The following FNTB variants were observed in gnomAD, a reference collection of about 807,000 sequenced individuals.
FNTB encodes the protein protein farnesyltransferase subunit beta.
Under a neutral mutation model 59.4 loss-of-function variants are expected in FNTB, and 27 were observed. The observed-to-expected ratio is 0.45, with a 90% CI of 0.34 to 0.63. The LOEUF is 0.63. FNTB is among the 20% of genes least tolerant of loss of function. The probability of loss-of-function intolerance (pLI) is 0.02; values close to 1 mark genes in which losing one functional copy is unlikely to be tolerated. For missense variants in FNTB, 449 were observed against 559.6 expected (o/e 0.80, Z 1.99); for synonymous variants, 230 against 220.7 (o/e 1.04, Z -0.37).
chr14:65,024,924 T>G (rs2061952782), intron 4 of FNTB, among the ~76,000 whole-genome samples: 1 of 152,148 alleles, frequency 6.6e-6, no homozygotes, highest in Non-Finnish European at 1.5e-5. Context: ...TGGCTCCTTT[T>G]TTTTGTTTGT....
chr14:65,032,658 T>C lies in FNTB; in HGVS notation c.654T>C (p.Thr218=). ...ASVASLTNII[T]PDLFEGTAEW... Reference sequence around the variant, plus strand: ...TAGCCTCGCTGACCAACATCATCACTCCAGACCTCTTTGAGGGCACTGCTG... The same window carrying C: ...TAGCCTCGCTGACCAACATCATCACCCCAGACCTCTTTGAGGGCACTGCTG... Residue 218 remains threonine, a synonymous_variant, in exon 7 of 12, where the codon ACT becomes ACC. Transcript: ENST00000246166. The surrounding 1 kb of genome is among the most constrained non-coding windows in gnomAD (Gnocchi z 5.0). The C allele has an allele frequency of 6.2e-7, 1 of 1,613,926 alleles. No homozygotes were observed.
chr14:65,016,324 C>T (rs1352949306), intron 4 of FNTB, among the ~76,000 whole-genome samples: 1 of 152,204 alleles, frequency 6.6e-6, no homozygotes, highest in African/African-American at 2.4e-5. Flanking sequence ...TTCCCAGACA[C>T]TCATCACCAT....
chr14:65,015,434 T>TTTA (rs2061753837), intron 3 of FNTB, 191 bp from the exon 4 acceptor site: 1 of 269,106 alleles, frequency 3.7e-6, no homozygotes. Context: ...TTTTTTTTTT[T>TTTA]AACAGATGGT....
intron 11 of FNTB, among the ~76,000 whole-genome samples, chr14:65,055,044 T>C (rs1210491818): frequency 2.0e-5 from 3 of 152,262 alleles, no homozygotes; most frequent in East Asian, 1.9e-4. Flanking sequence ...ACTGCAGCCA[T>C]GCGGCACTGG....
In FNTB at chr14:65,032,669, T is replaced by C. The variant is rs755355580; in HGVS notation, c.665T>C (p.Phe222Ser). 1 of 1,613,740 alleles carries C rather than the reference T, an allele frequency of 6.2e-7. No individual in the cohort carries two copies. The highest frequency in any genetic ancestry group is 1.3e-5 in the African/African-American group (1 of 74,896). ...ACCAACATCATCACTCCAGACCTCTTTGAGGGCACTGCTGAATGGATAGCA... is the reference window on the plus strand; with the variant it reads ...ACCAACATCATCACTCCAGACCTCTCTGAGGGCACTGCTGAATGGATAGCA... The part of the protein sequence containing the change: ...SLTNIITPDL[F>S]EGTAEWIARC... Residue 222 changes from phenylalanine to serine, a missense_variant, in exon 7 of 12, where the codon TTT (phenylalanine) becomes TCT (serine). Phe to Ser is a radical substitution (Grantham distance 155, BLOSUM62 -2). Transcript: ENST00000246166. The surrounding 1 kb of genome is among the most constrained non-coding windows in gnomAD (Gnocchi z 5.0).
intron 9 of FNTB, among the ~76,000 whole-genome samples, chr14:65,050,939 G>A (rs1335870003): frequency 2.6e-5 from 4 of 152,190 alleles, no homozygotes; most frequent in Admixed American, 2.6e-4. Context: ...AACAACCTTG[G>A]AAATAAGTAA....
intron 4 of FNTB, among the ~76,000 whole-genome samples, chr14:65,017,052 A>G (rs375569485): frequency 1.6e-4 from 25 of 151,586 alleles, no homozygotes; most frequent in African/African-American, 6.1e-4. Context: ...CCTCCTGAGT[A>G]GCTGGGATTA....
chr14:65,004,019 A>G (rs1260955624), intron 1 of FNTB, among the ~76,000 whole-genome samples: 1 of 152,220 alleles, frequency 6.6e-6, no homozygotes, highest in Non-Finnish European at 1.5e-5. Flanking sequence ...TTTGGATATT[A>G]TGGATTTGGT....
At chr14:65,006,274 A>G (rs1299805897) in intron 2 of FNTB, 4 of 1,612,810 alleles carry the variant, frequency 2.5e-6, no homozygotes, top group Non-Finnish European at 3.4e-6. Flanking sequence ...GGTTAACTTC[A>G]TCTTTGTTCC....
At position 65,047,839 on chromosome 14, in the gene FNTB, C is replaced by T. The variant is rs578098796; in HGVS notation, c.955+3396C>T. ...AGATACAACATGAAGTGTAAGGGGG[C>T]GGGGCCTGGAGCAGTGCCTGGGCAC... On this transcript the variant is annotated intron_variant, in intron 9 of 11. Coordinates refer to ENST00000246166, the MANE Select transcript of FNTB (RefSeq NM_002028.4). The surrounding 1 kb of genome is among the most constrained non-coding windows in gnomAD (Gnocchi z 5.2). Among the ~76,000 whole-genome samples the T allele has an allele frequency of 1.3e-5, 2 of 152,192 alleles. No individual in the cohort carries two copies. Among genetic ancestry groups the T allele is most frequent in the Non-Finnish European group, 2.9e-5 (2 of 68,024 alleles).
intron 9 of FNTB, among the ~76,000 whole-genome samples, chr14:65,046,587 G>T (rs1283614525): frequency 6.6e-6 from 1 of 152,158 alleles, no homozygotes; most frequent in African/African-American, 2.4e-5. Context: ...TTTTTTCATT[G>T]GCTGGGAGAA....
chr14:65,015,580 A>G, intron 3 of FNTB, 45 bp from the exon 4 acceptor site: 1 of 1,606,790 alleles, frequency 6.2e-7, no homozygotes, highest in Non-Finnish European at 8.5e-7. Flanking sequence ...AGTGTCTTGG[A>G]GTGATTGTGA....
chr14:65,025,040 T>G (rs1353154670), intron 4 of FNTB, among the ~76,000 whole-genome samples: 1 of 152,238 alleles, frequency 6.6e-6, no homozygotes, highest in African/African-American at 2.4e-5. Context: ...TGCCAATTCC[T>G]TAAGGTGCAA....
At chr14:65,055,590 C>T (rs959508631) in intron 11 of FNTB, among the ~76,000 whole-genome samples, 3 of 151,870 alleles carry the variant, frequency 2.0e-5, no homozygotes, top group Admixed American at 2.0e-4. Flanking sequence ...GATATTGGCT[C>T]ACTGCAACCT....
At chr14:65,036,102 G>T (rs2062185240) in intron 7 of FNTB, among the ~76,000 whole-genome samples, 1 of 152,044 alleles carries the variant, frequency 6.6e-6, no homozygotes, top group Non-Finnish European at 1.5e-5. Flanking sequence ...CAAAGTGTTG[G>T]AATTACAGGT....
chr14:65,044,679 C>T lies in FNTB; in HGVS notation c.955+236C>T. 1 of 606,966 alleles carries T rather than the reference C, an allele frequency of 1.6e-6. No individual in the cohort carries two copies. Among genetic ancestry groups the T allele is most frequent in the Non-Finnish European group, 2.6e-6 (1 of 384,152 alleles). The allele number at this position is 606,966 out of a possible 1,614,324, so 37.6% of individuals were successfully genotyped here. ...AATTGGCTGCGACAGAATGAGCTTC[C>T]TTGAAATTGCTACGGGGAGCGGGGA... is the stretch of plus-strand genomic sequence containing the variant. On this transcript the variant is annotated intron_variant, in intron 9 of 11. Transcript: ENST00000246166. The surrounding 1 kb of genome is among the most constrained non-coding windows in gnomAD (Gnocchi z 5.5).
rs2062685769 is a variant in FNTB at position 65,054,516 on chromosome 14, A to G, written c.1068-59A>G. The stretch of plus-strand genomic sequence containing the variant: ...CAGTGGTCTCTGAATTGGTGTGGCT[A>G]CATTTGTAGATGTGTGCGGAGCAGA... On this transcript the variant is annotated intron_variant, in intron 10 of 11. Coordinates refer to ENST00000246166, the MANE Select transcript of FNTB (RefSeq NM_002028.4). The surrounding 1 kb of genome is among the most constrained non-coding windows in gnomAD (Gnocchi z 4.4). 6 of 1,528,712 alleles carry G rather than the reference A, an allele frequency of 3.9e-6. No individual in the cohort carries two copies. In the South Asian group the frequency reaches 7.1e-5, roughly 18 times the overall value. 94.7% of individuals were successfully genotyped at this position (1,528,712 alleles called of 1,614,324 possible).
chr14:64,987,319 A>G, intron 1 of FNTB: 1 of 593,848 alleles, frequency 1.7e-6, no homozygotes, highest in Admixed American at 3.0e-5. Flanking sequence ...TTGGGCTTGG[A>G]GGAGAGGGCA....
At position 65,027,975 on chromosome 14, in the gene FNTB, CTTATT is replaced by C. The variant is rs755919563; in HGVS notation, c.605+199_605+203del. ...GTCCTCAGGTGTCATGATCACTTGACTTATTTTATGTAAATGTGAAAATATAAGAA... is the reference window on the plus strand; with the variant it reads ...GTCCTCAGGTGTCATGATCACTTGACTTATGTAAATGTGAAAATATAAGAA... On this transcript the variant is annotated intron_variant, in intron 6 of 11. Coordinates refer to ENST00000246166, the MANE Select transcript of FNTB (RefSeq NM_002028.4). The surrounding 1 kb of genome is among the most constrained non-coding windows in gnomAD (Gnocchi z 5.7). Among the ~76,000 whole-genome samples, 1 of 152,184 alleles carries C rather than the reference CTTATT, an allele frequency of 6.6e-6. No homozygotes were observed. The highest frequency in any genetic ancestry group is 6.5e-5 in the Admixed American group (1 of 15,282).
Sources: gnomAD v4.1 joint callset for allele counts (sites outside exome capture counted in the v4.1 genomes callset) on GRCh38, gnomAD v4.1.1 for gene constraint, Gnocchi (gnomAD v3.1) non-coding constraint, MANE v1.5 for transcripts, NCBI Gene and HGNC (gene_info 2026-07-23, HGNC 2026-07-21) for gene names.